Variants in CALCOCO1 observed in about 807,000 individuals in gnomAD.
The protein encoded by CALCOCO1 is calcium binding and coiled-coil domain 1.
CALCOCO1 carries 44 observed loss-of-function variants against 86.3 expected under a neutral mutation model. That is an observed-to-expected ratio of 0.51 (90% CI 0.40 to 0.66). The LOEUF (loss-of-function observed/expected upper bound fraction) is 0.66. CALCOCO1 is among the 30% of genes least tolerant of loss of function. The pLI is 0.00. For missense variants in CALCOCO1, 708 were observed against 851.1 expected (o/e 0.83, Z 2.09); for synonymous variants, 297 against 327.6 (o/e 0.91, Z 1.01).
At chr12:53,724,608 T>G (rs1007884639) in intron 3 of CALCOCO1, 37 bp downstream of exon 3, 2 of 1,517,592 alleles carry the variant, frequency 1.3e-6, no homozygotes, top group Non-Finnish European at 1.8e-6. Context: ...TCCACTCCCT[T>G]GGCTCCTCTC....
At chr12:53,715,553 G>C in intron 9 of CALCOCO1, 1 of 741,620 alleles carries the variant, frequency 1.3e-6, no homozygotes, top group South Asian at 1.9e-5. Context: ...CTGGGGTCTA[G>C]GACAGAAAAT....
At position 53,713,808 on chromosome 12, in the gene CALCOCO1, A is replaced by G. The variant is rs1417270798; in HGVS notation, c.1684T>C (p.Ser562Pro). ...GCCTCTCGAGGCCCAGCAGGAGAGG[A>G]GCCTGGGTCTCCACGCTCACAAAGG... ...YGLCERGDPG[S>P]SPAGPREASP... Residue 562 changes from serine (S) to proline (P), a missense_variant, in exon 13 of 15, where the codon TCC (serine) becomes CCC (proline). Physicochemically the swap from Ser to Pro is moderately conservative, Grantham distance 74. Coordinates refer to ENST00000550804, the MANE Select transcript of CALCOCO1 (RefSeq NM_020898.3). 6 of 1,582,218 alleles carry G rather than the reference A, an allele frequency of 3.8e-6. No homozygotes were observed. The highest frequency in any genetic ancestry group is 5.1e-6 in the Non-Finnish European group (6 of 1,166,686).
chr12:53,715,020 C>A (rs1227011581), intron 10 of CALCOCO1, among the ~76,000 whole-genome samples, 180 bp downstream of exon 10: 2 of 152,128 alleles, frequency 1.3e-5, no homozygotes, highest in Non-Finnish European at 2.9e-5. Context: ...CAGATGTGTG[C>A]CCTGAGAGCA....
intron 7 of CALCOCO1, among the ~76,000 whole-genome samples, chr12:53,717,728 A>G (rs1350137017): frequency 6.6e-6 from 1 of 152,226 alleles, no homozygotes; most frequent in Non-Finnish European, 1.5e-5. Context: ...TAAAAAAAGA[A>G]AAACAACACA....
At chr12:53,722,831 A>G (rs1945911678) in intron 4 of CALCOCO1, 2 of 402,310 alleles carry the variant, frequency 5.0e-6, no homozygotes, top group Non-Finnish European at 9.6e-6. Flanking sequence ...GAATTGTTGT[A>G]AGGCTCAAAT....
At chr12:53,712,990 G>A in intron 14 of CALCOCO1, 110 bp downstream of exon 14, 1 of 1,285,240 alleles carries the variant, frequency 7.8e-7, no homozygotes, top group Non-Finnish European at 1.1e-6. Flanking sequence ...TTTCTTGGCT[G>A]AGGCCAAGAA....
At position 53,711,192 on chromosome 12, in the gene CALCOCO1, G is replaced by A. The variant is rs1420413666; in HGVS notation, c.*752C>T. The A allele has an allele frequency of 2.5e-6, 1 of 398,766 alleles. No individual in the cohort carries two copies. Among genetic ancestry groups the A allele is most frequent in the East Asian group, 3.6e-5 (1 of 28,068 alleles). The allele number at this position is 398,766 out of a possible 1,614,324, so 24.7% of individuals were successfully genotyped here. A position where few individuals can be genotyped will look rare whatever the true frequency, so the allele number is the denominator to read the frequency against. On this transcript the variant is annotated 3_prime_UTR_variant, in exon 15 of 15. Transcript: ENST00000550804. ...GGGGGAAGCTTTTATTGCTGTGGGG[G>A]GACCTGGAGAGGGAGGGGGGCCTTG...
intron 3 of CALCOCO1, chr12:53,724,303 A>G: frequency 2.6e-6 from 1 of 378,620 alleles, no homozygotes; most frequent in Admixed American, 3.7e-5. Flanking sequence ...AAGGCCAAAC[A>G]GCTTGTAAGT....
At position 53,709,305 on chromosome 12, in the gene CALCOCO1, C is replaced by T. The variant is rs1318958394; in HGVS notation, c.*2639G>A. 1.3e-5 allele frequency: 2 copies of T among 152,240 alleles called. No homozygotes were observed. Among genetic ancestry groups the T allele is most frequent in the Admixed American group, 6.5e-5 (1 of 15,290 alleles). The allele number at this position is 152,240 out of a possible 1,614,324, so 9.4% of individuals were successfully genotyped here. On this transcript the variant is annotated 3_prime_UTR_variant, in exon 15 of 15. Transcript: ENST00000550804. ...GAAGCTGGCTGCCCCTGGGTTTCCCCCAGCCCATGCCGTCAATTACCCTTC... is the reference window on the plus strand; with the variant it reads ...GAAGCTGGCTGCCCCTGGGTTTCCCTCAGCCCATGCCGTCAATTACCCTTC...
At chr12:53,725,406 G>A (rs1178222371) in intron 1 of CALCOCO1, 140 bp from the exon 2 acceptor site, 7 of 573,524 alleles carry the variant, frequency 1.2e-5, no homozygotes, top group Non-Finnish European at 2.1e-5. Flanking sequence ...GAGGGTTACG[G>A]GACATTTTTG....
At chr12:53,712,963 C>T in intron 14 of CALCOCO1, 137 bp downstream of exon 14, 1 of 1,254,656 alleles carries the variant, frequency 8.0e-7, no homozygotes. Context: ...TCCTTGTTAA[C>T]CATACCTGTA....
At chr12:53,723,529 G>T in intron 4 of CALCOCO1, 64 bp downstream of exon 4, 2 of 1,552,204 alleles carry the variant, frequency 1.3e-6, no homozygotes, top group Non-Finnish European at 1.8e-6. Context: ...AGGTGGGAAG[G>T]GTCCTCTTGC....
Position 53,716,373 on chromosome 12 carries a change from A to T in CALCOCO1, c.892T>A (p.Leu298Met), listed in dbSNP as rs1395398647. Reference protein sequence around the residue: ...VAQQENHHLNLDLKEAKSWQE... With the variant: ...VAQQENHHLNMDLKEAKSWQE... ...CAGCTCTTCGCCTCCTTCAGGTCCAAATTTAAGTGATGGTTCTCCTGTTGT... is the reference window on the plus strand; with the variant it reads ...CAGCTCTTCGCCTCCTTCAGGTCCATATTTAAGTGATGGTTCTCCTGTTGT... Residue 298 changes from leucine (L) to methionine (M), a missense_variant, in exon 8 of 15, where the codon TTG becomes ATG. Physicochemically the swap from Leu to Met is conservative, Grantham distance 15. Coordinates refer to ENST00000550804, the MANE Select transcript of CALCOCO1 (RefSeq NM_020898.3). 1 of 1,614,106 alleles carries T rather than the reference A, an allele frequency of 6.2e-7. No individual in the cohort carries two copies. Among genetic ancestry groups the T allele is most frequent in the East Asian group, 2.2e-5 (1 of 44,864 alleles).
In CALCOCO1 at chr12:53,711,652, C is replaced by CT. The variant is rs1279587237; in HGVS notation, c.*291dup. On this transcript the variant is annotated 3_prime_UTR_variant, in exon 15 of 15. Transcript: ENST00000550804. ...CAACCAGGGCTAGGAGTGGACGATT[C>CT]TATTCCCACAGGGGAAGGCCTCCTC... is the stretch of plus-strand genomic sequence containing the variant. The CT allele has an allele frequency of 2.9e-6, 1 of 339,290 alleles. No individual in the cohort carries two copies. Among genetic ancestry groups the CT allele is most frequent in the Non-Finnish European group, 5.3e-6 (1 of 187,964 alleles). The allele number at this position is 339,290 out of a possible 1,614,324, so 21.0% of individuals were successfully genotyped here.
chr12:53,714,958 G>T (rs889269206), intron 10 of CALCOCO1, among the ~76,000 whole-genome samples: 35 of 152,118 alleles, frequency 2.3e-4, no homozygotes, highest in Non-Finnish European at 7.4e-5. Context: ...CAGAGGCCTT[G>T]GTCATACCAA....
intron 5 of CALCOCO1, 94 bp from the exon 6 acceptor site, chr12:53,721,709 C>G (rs1945872787): frequency 1.4e-6 from 2 of 1,427,328 alleles, no homozygotes; most frequent in Non-Finnish European, 1.9e-6. Flanking sequence ...CAGGGTCTGA[C>G]TGCTTCCACC....
rs140431811 is a variant in CALCOCO1 at position 53,713,878 on chromosome 12, G to C, written c.1614C>G (p.Asp538Glu). 9.0e-5 allele frequency: 138 copies of C among 1,524,880 alleles called. No individual in the cohort carries two copies. Among genetic ancestry groups the C allele is most frequent in the Non-Finnish European group, 7.7e-5 (88 of 1,136,604 alleles). 94.5% of individuals were successfully genotyped at this position (1,524,880 alleles called of 1,614,324 possible). The part of the protein sequence containing the change: ...VGLSCPAALT[D>E]SEDESPEDMR... ...TGTCTTCTGGGGACTCGTCCTCTGA[G>C]TCTGTCAGAGCTGCCGGGCAGCCTG... is the stretch of plus-strand genomic sequence containing the variant. Residue 538 changes from aspartate (D) to glutamate (E), a missense_variant, in exon 13 of 15, where the codon GAC becomes GAG. Coordinates refer to ENST00000550804, the MANE Select transcript of CALCOCO1 (RefSeq NM_020898.3).
chr12:53,718,894 C>T lies in CALCOCO1; in HGVS notation c.849+845G>A, dbSNP rs555490134. On this transcript the variant is annotated intron_variant, in intron 7 of 14. Coordinates refer to ENST00000550804, the MANE Select transcript of CALCOCO1 (RefSeq NM_020898.3). ...ACAGAGTCTCACTCTGTTGCCCAGG[C>T]TGGAGAGCCGTAGTGTGATCTAGGC... 2.2e-3 allele frequency among the ~76,000 whole-genome samples: 288 copies of T among 132,168 alleles called. 2 individuals are homozygous for T. Among genetic ancestry groups the T allele is most frequent in the African/African-American group, 7.7e-3 (264 of 34,262 alleles). 86.7% of individuals were successfully genotyped at this position (132,168 alleles called of 152,430 possible).
At chr12:53,713,054 T>A (rs1381805585) in intron 14 of CALCOCO1, 46 bp downstream of exon 14, 2 of 1,545,874 alleles carry the variant, frequency 1.3e-6, no homozygotes, top group South Asian at 2.2e-5. Flanking sequence ...GCCCTTTCCC[T>A]CTGACCTCCT....
Sources: allele counts gnomAD v4.1 joint callset (sites outside exome capture counted in the v4.1 genomes callset), GRCh38; gene constraint gnomAD v4.1.1; transcripts MANE v1.5; gene names NCBI Gene and HGNC (gene_info 2026-07-23, HGNC 2026-07-21).